Variants in CXCL6 observed in about 807,000 individuals in gnomAD.
CXCL6 encodes C-X-C motif chemokine ligand 6.
A neutral mutation model predicts 10.5 loss-of-function variants in CXCL6; 18 were observed. The ratio of observed to expected loss-of-function variants is 1.71; its 90% confidence interval spans 1.18 to 2.54. CXCL6 has a LOEUF of 2.54. CXCL6 is among the 30% of genes most tolerant of loss of function. CXCL6 has a pLI of 0.00. For missense variants in CXCL6, 171 were observed against 145.7 expected (o/e 1.17, Z -0.90); for synonymous variants, 82 against 68.3 (o/e 1.20, Z -0.99).
Position 73,836,868 on chromosome 4 carries a change from T to G in CXCL6, c.109+9T>G. On this transcript the variant is annotated intron_variant, in intron 1 of 3. Coordinates refer to ENST00000226317, the MANE Select transcript of CXCL6 (RefSeq NM_002993.4). ...GGGGCCCCTCGCCAGCGGTGAGAGC[T>G]CCTGGCACTGGGGTGCATCCCAGCC... 1.2e-6 allele frequency: 2 copies of G among 1,612,222 alleles called. No individual in the cohort carries two copies. Among genetic ancestry groups the G allele is most frequent in the Non-Finnish European group, 1.7e-6 (2 of 1,178,976 alleles).
rs1279299664 is a variant in CXCL6, at chr4:73,838,677, G to A, written c.*1036G>A. On this transcript the variant is annotated 3_prime_UTR_variant, in exon 4 of 4. Transcript: ENST00000226317. ...GTATCACATTCACTATATTAAAATTGCACTTTTATTTTTTCCTGTGTGTCA... is the reference window on the plus strand; with the variant it reads ...GTATCACATTCACTATATTAAAATTACACTTTTATTTTTTCCTGTGTGTCA... 1 of 152,520 alleles carries A rather than the reference G, an allele frequency of 6.6e-6. No individual in the cohort carries two copies. The highest frequency in any genetic ancestry group is 6.5e-5 in the Admixed American group (1 of 15,280). 9.4% of individuals were successfully genotyped at this position (152,520 alleles called of 1,614,324 possible).
intron 3 of CXCL6, 109 bp from the exon 4 acceptor site, chr4:73,837,514 G>T: frequency 8.8e-7 from 1 of 1,134,230 alleles, no homozygotes; most frequent in South Asian, 1.4e-5. Context: ...TTTTTTGTCT[G>T]CTCTTTGCTT....
chr4:73,837,359 T>A (rs1389323141), intron 3 of CXCL6, 73 bp downstream of exon 3: 5 of 1,350,918 alleles, frequency 3.7e-6, no homozygotes, highest in Non-Finnish European at 5.3e-6. Flanking sequence ...ATGTCCTTAT[T>A]CTCTCTGTAG....
At position 73,836,738 on chromosome 4, in the gene CXCL6, T is replaced by C; in HGVS notation, c.-13T>C. On this transcript the variant is annotated 5_prime_UTR_variant, in exon 1 of 4. Transcript: ENST00000226317. Reference sequence around the variant, plus strand: ...ACCCAGCTCAGGAACCCGCGAACCCTCTCTTGACCACTATGAGCCTCCCGT... The same window carrying C: ...ACCCAGCTCAGGAACCCGCGAACCCCCTCTTGACCACTATGAGCCTCCCGT... The C allele has an allele frequency of 6.2e-7, 1 of 1,603,652 alleles. No individual in the cohort carries two copies. Among genetic ancestry groups the C allele is most frequent in the Non-Finnish European group, 8.5e-7 (1 of 1,175,630 alleles).
intron 3 of CXCL6, 29 bp downstream of exon 3, chr4:73,837,315 T>G: frequency 6.4e-7 from 1 of 1,555,802 alleles, no homozygotes; most frequent in Non-Finnish European, 8.9e-7. Context: ...TTTGTGGTGT[T>G]TTAATATCTT....
At chr4:73,837,158 C>T (rs1279523037) in intron 2 of CXCL6, 45 bp from the exon 3 acceptor site, 7 of 1,613,694 alleles carry the variant, frequency 4.3e-6, no homozygotes, top group Non-Finnish European at 5.9e-6. Context: ...CCTGGGTCGT[C>T]AACCTTTGTG....
rs1731107479 is a variant in CXCL6 at position 73,836,681 on chromosome 4, A to G, written c.-70A>G. 7.6e-7 allele frequency: 1 copy of G among 1,318,342 alleles called. No individual in the cohort carries two copies. Among genetic ancestry groups the G allele is most frequent in the Non-Finnish European group, 1.1e-6 (1 of 934,708 alleles). The allele number at this position is 1,318,342 out of a possible 1,614,324, so 81.7% of individuals were successfully genotyped here. A position where few individuals can be genotyped will look rare whatever the true frequency, so the allele number is the denominator to read the frequency against. ...AGTGCAGAAGGCACGAGGAAACCAA[A>G]GTGCTCTGTATCCTCCAGTCTCCGC... On this transcript the variant is annotated 5_prime_UTR_variant, in exon 1 of 4. Coordinates refer to ENST00000226317, the MANE Select transcript of CXCL6 (RefSeq NM_002993.4).
At position 73,836,689 on chromosome 4, in the gene CXCL6, G is replaced by T; in HGVS notation, c.-62G>T. ...AGGCACGAGGAAACCAAAGTGCTCT[G>T]TATCCTCCAGTCTCCGCGCCTCCAC... On this transcript the variant is annotated 5_prime_UTR_variant, in exon 1 of 4. Coordinates refer to ENST00000226317, the MANE Select transcript of CXCL6 (RefSeq NM_002993.4). 2 of 1,401,292 alleles carry T rather than the reference G, an allele frequency of 1.4e-6. No individual in the cohort carries two copies. The highest frequency in any genetic ancestry group is 1.4e-5 in the African/African-American group (1 of 70,134). The allele number at this position is 1,401,292 out of a possible 1,614,324, so 86.8% of individuals were successfully genotyped here. A position where few individuals can be genotyped will look rare whatever the true frequency, so the allele number is the denominator to read the frequency against.
rs1416663903 is a variant in CXCL6, at chr4:73,837,623, T to A, written c.327T>A (p.Ser109Arg). Reference protein sequence around the residue: ...LKKVIQKILDSGNKKN With the variant: ...LKKVIQKILDRGNKKN ...ACTAATATAACTCTTTTCTCAACAG[T>A]GGAAACAAGAAAAACTGAGTAACAA... Residue 109 changes from serine (S) to arginine (R), a missense_variant and splice_region_variant, in exon 4 of 4, where the codon AGT (serine) becomes AGA (arginine). Coordinates refer to ENST00000226317, the MANE Select transcript of CXCL6 (RefSeq NM_002993.4). 3 of 1,557,066 alleles carry A rather than the reference T, an allele frequency of 1.9e-6. No individual in the cohort carries two copies. Among genetic ancestry groups the A allele is most frequent in the African/African-American group, 1.4e-5 (1 of 70,558 alleles).
Position 73,837,874 on chromosome 4 carries a change from T to G in CXCL6, c.*233T>G. 2.5e-6 allele frequency: 1 copy of G among 394,906 alleles called. No individual in the cohort carries two copies. The highest frequency in any genetic ancestry group is 4.6e-6 in the Non-Finnish European group (1 of 217,128). 24.5% of individuals were successfully genotyped at this position (394,906 alleles called of 1,614,324 possible). A position where few individuals can be genotyped will look rare whatever the true frequency, so the allele number is the denominator to read the frequency against. ...CACTATTTACTGTTATTTTACCTGATAAGTTATTGAACCCTTTGGCAATTG... is the reference window on the plus strand; with the variant it reads ...CACTATTTACTGTTATTTTACCTGAGAAGTTATTGAACCCTTTGGCAATTG... On this transcript the variant is annotated 3_prime_UTR_variant, in exon 4 of 4. Transcript: ENST00000226317.
Position 73,837,086 on chromosome 4 carries a change from G to T in CXCL6, c.232G>T (p.Val78Leu). 6.2e-7 allele frequency: 1 copy of T among 1,613,392 alleles called. No individual in the cohort carries two copies. The highest frequency in any genetic ancestry group is 8.5e-7 in the Non-Finnish European group (1 of 1,179,606). The part of the protein sequence containing the change: ...VFPAGPQCSK[V>L]EVVASLKNGK... ...CCCCGCAGGCCCGCAGTGCTCCAAG[G>T]TGGAAGTGGTGTAAGTTCTCCTGTG... is the stretch of plus-strand genomic sequence containing the variant. Residue 78 changes from valine to leucine, a missense_variant, in exon 2 of 4, where the codon GTG (valine) becomes TTG (leucine). By Grantham distance (32) the Val-to-Leu change is conservative. Coordinates refer to ENST00000226317, the MANE Select transcript of CXCL6 (RefSeq NM_002993.4).
At chr4:73,836,891 G>A (rs1265887655) in intron 1 of CXCL6, 32 bp downstream of exon 1, 1 of 1,609,972 alleles carries the variant, frequency 6.2e-7, no homozygotes, top group African/African-American at 1.3e-5. Context: ...GTGCATCCCA[G>A]CCTCTGCGGG....
chr4:73,836,847 C>T lies in CXCL6; in HGVS notation c.97C>T (p.Pro33Ser). 2 of 1,612,194 alleles carry T rather than the reference C, an allele frequency of 1.2e-6. No individual in the cohort carries two copies. Residue 33 changes from proline (P) to serine (S), a missense_variant, in exon 1 of 4, where the codon CCC becomes TCC. Physicochemically the swap from Pro to Ser is moderately conservative, Grantham distance 74. Coordinates refer to ENST00000226317, the MANE Select transcript of CXCL6 (RefSeq NM_002993.4). ...GCTGCTCCTGCTGACGCCGCCGGGG[C>T]CCCTCGCCAGCGGTGAGAGCTCCTG... ...ALLLLLTPPG[P>S]LASAGPVSAV...
At position 73,836,770 on chromosome 4, in the gene CXCL6, G is replaced by A. The variant is rs1731110098; in HGVS notation, c.20G>A (p.Arg7His). 3.1e-6 allele frequency: 5 copies of A among 1,610,754 alleles called. No homozygotes were observed. The highest frequency in any genetic ancestry group is 4.2e-6 in the Non-Finnish European group (5 of 1,179,096). The change falls in exon 1 of 4, where the codon CGC becomes CAC. Residue 7 changes from arginine (R) to histidine (H), a missense_variant. Arg to His is a conservative substitution (Grantham distance 29). Coordinates refer to ENST00000226317, the MANE Select transcript of CXCL6 (RefSeq NM_002993.4). MSLPSS[R>H]AARVPGPSGS... ...ACCACTATGAGCCTCCCGTCCAGCC[G>A]CGCGGCCCGTGTCCCGGGTCCTTCG...
In CXCL6 at chr4:73,836,735, C is replaced by T. The variant is rs759614893; in HGVS notation, c.-16C>T. On this transcript the variant is annotated 5_prime_UTR_variant, in exon 1 of 4. Coordinates refer to ENST00000226317, the MANE Select transcript of CXCL6 (RefSeq NM_002993.4). ...TCCACCCAGCTCAGGAACCCGCGAACCCTCTCTTGACCACTATGAGCCTCC... is the reference window on the plus strand; with the variant it reads ...TCCACCCAGCTCAGGAACCCGCGAATCCTCTCTTGACCACTATGAGCCTCC... 6.2e-7 allele frequency: 1 copy of T among 1,601,372 alleles called. No homozygotes were observed. Among genetic ancestry groups the T allele is most frequent in the Non-Finnish European group, 8.5e-7 (1 of 1,174,298 alleles).
Position 73,836,879 on chromosome 4 carries a change from G to A in CXCL6, c.109+20G>A, listed in dbSNP as rs1247226171. On this transcript the variant is annotated intron_variant, in intron 1 of 3. Coordinates refer to ENST00000226317, the MANE Select transcript of CXCL6 (RefSeq NM_002993.4). ...CCAGCGGTGAGAGCTCCTGGCACTG[G>A]GGTGCATCCCAGCCTCTGCGGGGCC... 6.2e-7 allele frequency: 1 copy of A among 1,611,892 alleles called. No homozygotes were observed. Among genetic ancestry groups the A allele is most frequent in the Non-Finnish European group, 8.5e-7 (1 of 1,178,832 alleles).
Position 73,837,115 on chromosome 4 carries a change from C to G in CXCL6, c.242+19C>G. On this transcript the variant is annotated intron_variant, in intron 2 of 3. Transcript: ENST00000226317. ...AAGTGGTGTAAGTTCTCCTGTGTTG[C>G]TGTGTCCACTGTGACTTAGGCAAGT... 6.2e-7 allele frequency: 1 copy of G among 1,612,778 alleles called. No individual in the cohort carries two copies. The highest frequency in any genetic ancestry group is 8.5e-7 in the Non-Finnish European group (1 of 1,179,332).
At chr4:73,837,319 A>C (rs766314228) in intron 3 of CXCL6, 33 bp downstream of exon 3, 157 of 1,539,070 alleles carry the variant, frequency 1.0e-4, no homozygotes, top group Admixed American at 8.3e-4. Flanking sequence ...TGGTGTTTTA[A>C]TATCTTCTAT....
At position 73,837,126 on chromosome 4, in the gene CXCL6, G is replaced by A. The variant is rs1165979427; in HGVS notation, c.242+30G>A. ...GTTCTCCTGTGTTGCTGTGTCCACT[G>A]TGACTTAGGCAAGTCCTCCAGCCTG... On this transcript the variant is annotated intron_variant, in intron 2 of 3. Coordinates refer to ENST00000226317, the MANE Select transcript of CXCL6 (RefSeq NM_002993.4). 2.5e-6 allele frequency: 4 copies of A among 1,613,112 alleles called. No individual in the cohort carries two copies. The Admixed American group carries it at 5.0e-5, about 20-fold the overall frequency.
Sources: gnomAD v4.1 joint callset for allele counts on GRCh38, gnomAD v4.1.1 for gene constraint, MANE v1.5 for transcripts, NCBI Gene and HGNC (gene_info 2026-07-23, HGNC 2026-07-21) for gene names.